Variants in INPP4B observed in about 807,000 individuals in gnomAD.
The protein encoded by INPP4B is inositol polyphosphate 4-phosphatase type II.
A neutral mutation model predicts 122.5 loss-of-function variants in INPP4B; 55 were observed. The observed-to-expected ratio is 0.45, with a 90% CI of 0.36 to 0.56. The LOEUF is 0.56. Ranked by LOEUF, INPP4B falls within the 20% of genes least tolerant of loss-of-function variation. INPP4B has a pLI of 0.00. For synonymous variants in INPP4B, 403 were observed against 388.7 expected (o/e 1.04, Z -0.43); for missense variants, 1,000 against 1,097.7 (o/e 0.91, Z 1.26).
intron 5 of INPP4B, among the ~76,000 whole-genome samples, chr4:142,407,574 G>A (rs1200899373): frequency 8.5e-5 from 13 of 152,062 alleles, no homozygotes; most frequent in Non-Finnish European, 1.5e-5. Context: ...ATGATGCTTT[G>A]TATTTTTATT....
intron 1 of INPP4B, among the ~76,000 whole-genome samples, chr4:142,839,432 TCAA>T (rs1174232997): frequency 1.1e-4 from 17 of 151,654 alleles, no homozygotes; most frequent in South Asian, 6.2e-4. Flanking sequence ...AGACTCCATC[TCAA>T]CAACAACAAC....
chr4:142,692,726 T>G (rs1760366869), intron 2 of INPP4B, among the ~76,000 whole-genome samples: 1 of 152,178 alleles, frequency 6.6e-6, no homozygotes, highest in African/African-American at 2.4e-5. Context: ...GGTTCTGCCC[T>G]TTCACTGTGG....
chr4:142,697,373 A>G (rs1761173344), intron 2 of INPP4B, among the ~76,000 whole-genome samples: 1 of 152,194 alleles, frequency 6.6e-6, no homozygotes, highest in South Asian at 2.1e-4. Flanking sequence ...TCTGGGATCA[A>G]CTGTGAAAGT....
At chr4:142,790,657 A>C (rs1445416756) in intron 1 of INPP4B, among the ~76,000 whole-genome samples, 1 of 152,064 alleles carries the variant, frequency 6.6e-6, no homozygotes, top group Non-Finnish European at 1.5e-5. Flanking sequence ...GGAAAAAAAC[A>C]AAAAACAAAA....
At chr4:142,224,117 C>T (rs540835220) in intron 12 of INPP4B, among the ~76,000 whole-genome samples, 122 of 152,160 alleles carry the variant, frequency 8.0e-4, no homozygotes, top group African/African-American at 2.7e-3. Context: ...AGACACAAGG[C>T]GAGGCTGGAG....
intron 2 of INPP4B, among the ~76,000 whole-genome samples, chr4:142,625,692 A>C (rs938149660): frequency 3.3e-5 from 5 of 152,192 alleles, no homozygotes; most frequent in African/African-American, 1.2e-4. Flanking sequence ...CTAAGCCAAA[A>C]GAACAAAGCT....
intron 2 of INPP4B, among the ~76,000 whole-genome samples, chr4:142,618,823 C>T (rs1230957220): frequency 1.3e-5 from 2 of 151,806 alleles, no homozygotes; most frequent in Non-Finnish European, 2.9e-5. Context: ...TTTGCAAATA[C>T]TATATCTAAT....
intron 11 of INPP4B, among the ~76,000 whole-genome samples, chr4:142,246,088 A>ATG (rs201517909): frequency 3.4e-5 from 5 of 144,984 alleles, no homozygotes; most frequent in Non-Finnish European, 7.5e-5. Flanking sequence ...CATTATATAT[A>ATG]TGTGTGTGTG....
chr4:142,208,634 AAAACATATCCTATAT>A (rs1843547067), intron 13 of INPP4B, 105 bp from the exon 14 acceptor site: 1 of 614,616 alleles, frequency 1.6e-6, no homozygotes, highest in Non-Finnish European at 2.6e-6. Flanking sequence ...TTCAGAAAGA[AAAACATATCCTATAT>A]TTATGAGTTG....
intron 3 of INPP4B, among the ~76,000 whole-genome samples, 151 bp from the exon 4 acceptor site, chr4:142,431,536 G>T (rs1809291260): frequency 6.6e-6 from 1 of 152,044 alleles, no homozygotes; most frequent in Non-Finnish European, 1.5e-5. Context: ...CACAGTTAAT[G>T]CATCATAAAG....
Position 142,149,093 on chromosome 4 carries a change from C to A in INPP4B, c.1564-3097G>T, listed in dbSNP as rs561481411. On this transcript the variant is annotated intron_variant, in intron 17 of 25. Coordinates refer to ENST00000262992, the MANE Select transcript of INPP4B (RefSeq NM_001101669.3). ...GCCTCCTTCTCTTTTATGGCCTTTA[C>A]TAAGAAGTTATTACTACTTAGTAGC... Among the ~76,000 whole-genome samples the A allele has an allele frequency of 6.6e-5, 10 of 152,288 alleles. 1 individual carries two copies. In the South Asian group the frequency reaches 1.9e-3, roughly 28 times the overall value.
chr4:142,659,989 G>C (rs1462316766), intron 2 of INPP4B, among the ~76,000 whole-genome samples: 1 of 148,964 alleles, frequency 6.7e-6, no homozygotes, highest in South Asian at 2.1e-4. Context: ...GATAACAACA[G>C]AGGTTAAAAG....
At chr4:142,845,432 A>T (rs1038689732) in intron 1 of INPP4B, among the ~76,000 whole-genome samples, 21 of 152,262 alleles carry the variant, frequency 1.4e-4, no homozygotes, top group African/African-American at 5.1e-4. Context: ...AGGAGCCTGC[A>T]GCATAGTTCT....
intron 18 of INPP4B, among the ~76,000 whole-genome samples, chr4:142,128,715 A>G (rs1286348250): frequency 2.6e-5 from 4 of 152,080 alleles, no homozygotes; most frequent in Admixed American, 2.6e-4. Context: ...CCAGCCCTCT[A>G]CTTGCTTCTC....
intron 9 of INPP4B, among the ~76,000 whole-genome samples, chr4:142,271,993 G>C (rs1746095408): frequency 6.6e-6 from 1 of 152,098 alleles, no homozygotes; most frequent in Non-Finnish European, 1.5e-5. Context: ...TGAGCCTTTT[G>C]TGAAAATAGG....
At chr4:142,032,353 T>G (rs1740805295) in intron 25 of INPP4B, among the ~76,000 whole-genome samples, 1 of 152,080 alleles carries the variant, frequency 6.6e-6, no homozygotes. Context: ...TCTACAGTTA[T>G]GGACCCCATT....
At chr4:142,769,417 C>T (rs997418881) in intron 1 of INPP4B, among the ~76,000 whole-genome samples, 7 of 152,044 alleles carry the variant, frequency 4.6e-5, no homozygotes, top group Non-Finnish European at 1.0e-4. Context: ...AGTACACCTG[C>T]GATATTTTAG....
chr4:142,082,476 G>A (rs951250125), intron 24 of INPP4B, among the ~76,000 whole-genome samples: 11 of 152,288 alleles, frequency 7.2e-5, no homozygotes, highest in Admixed American at 1.3e-4. Context: ...CCCAAGGGGG[G>A]TGCCTGGTCT....
intron 1 of INPP4B, among the ~76,000 whole-genome samples, chr4:142,792,354 A>G (rs557698649): frequency 1.3e-4 from 20 of 152,248 alleles, no homozygotes; most frequent in African/African-American, 4.6e-4. Context: ...AAAATACAAG[A>G]ATCATTCATA....
Sources: allele counts gnomAD v4.1 joint callset (sites outside exome capture counted in the v4.1 genomes callset), GRCh38; gene constraint gnomAD v4.1.1; transcripts MANE v1.5; gene names NCBI Gene and HGNC (gene_info 2026-07-23, HGNC 2026-07-21).